The following ARIH1 variants were observed in gnomAD, a reference collection of about 807,000 sequenced individuals.
ARIH1 encodes the protein E3 ubiquitin-protein ligase ARIH1.
A neutral mutation model predicts 85.0 loss-of-function variants in ARIH1; 8 were observed. That is an observed-to-expected ratio of 0.09 (90% CI 0.06 to 0.17). The LOEUF (loss-of-function observed/expected upper bound fraction) is 0.17, where lower values mean the gene tolerates loss of function less well. Among genes scored for constraint, ARIH1 ranks in the 10% least tolerant of loss-of-function variants. ARIH1 has a pLI of 1.00. For synonymous variants in ARIH1, 238 were observed against 253.6 expected (o/e 0.94, Z 0.59); for missense variants, 311 against 718.1 (o/e 0.43, Z 6.48).
Position 72,562,810 on chromosome 15 carries a change from TAA to T in ARIH1, c.805-582_805-581del, listed in dbSNP as rs1281968970. On this transcript the variant is annotated intron_variant, in intron 6 of 13. Coordinates refer to ENST00000379887, the MANE Select transcript of ARIH1 (RefSeq NM_005744.5). ...AATGGTCACATACATGATATTTAATTAAAGTTATTCAGTGGGATTTTGAAGAT... is the reference window on the plus strand; with the variant it reads ...AATGGTCACATACATGATATTTAATTAGTTATTCAGTGGGATTTTGAAGAT... Among the ~76,000 whole-genome samples, 8 of 152,128 alleles carry T rather than the reference TAA, an allele frequency of 5.3e-5. No homozygotes were observed. In the East Asian group the frequency reaches 1.5e-3, roughly 29 times the overall value.
At chr15:72,567,275 G>T in intron 9 of ARIH1, 98 bp downstream of exon 9, 121 of 822,068 alleles carry the variant, frequency 1.5e-4, no homozygotes, top group East Asian at 6.0e-4. Context: ...TACAGGCTTT[G>T]TTTCATCTTT....
chr15:72,545,886 T>C (rs1009892682), intron 3 of ARIH1, among the ~76,000 whole-genome samples: 1 of 147,260 alleles, frequency 6.8e-6, no homozygotes, highest in Non-Finnish European at 1.5e-5. Flanking sequence ...TTTACTTGAG[T>C]GTTTACTAAG....
At chr15:72,544,740 C>T (rs1306848280) in intron 2 of ARIH1, 80 bp from the exon 3 acceptor site, 1 of 1,271,666 alleles carries the variant, frequency 7.9e-7, no homozygotes. Context: ...TTGCTTTTCC[C>T]TATAGAAAGT....
chr15:72,533,605 A>G (rs1295000325), intron 2 of ARIH1, among the ~76,000 whole-genome samples: 1 of 152,208 alleles, frequency 6.6e-6, no homozygotes, highest in African/African-American at 2.4e-5. Context: ...CAATAGAAAG[A>G]AATACGTGCA....
chr15:72,565,446 C>G (rs151157435), intron 7 of ARIH1, among the ~76,000 whole-genome samples: 4 of 152,046 alleles, frequency 2.6e-5, no homozygotes, highest in Non-Finnish European at 5.9e-5. Flanking sequence ...TATTGGTATT[C>G]CATACCTTTC....
intron 1 of ARIH1, among the ~76,000 whole-genome samples, chr15:72,478,048 T>G (rs1028015608): frequency 3.3e-5 from 5 of 152,146 alleles, no homozygotes; most frequent in Non-Finnish European, 7.4e-5. Context: ...TCAAGTGATC[T>G]GCCCTTCTCG....
chr15:72,552,501 G>T (rs962571687), intron 3 of ARIH1, among the ~76,000 whole-genome samples: 2 of 152,118 alleles, frequency 1.3e-5, no homozygotes, highest in African/African-American at 4.8e-5. Context: ...TGTTGGCCTG[G>T]CTGGTCTCAA....
chr15:72,546,934 A>AGG (rs200691808), intron 3 of ARIH1, among the ~76,000 whole-genome samples: 5 of 27,064 alleles, frequency 1.8e-4, no homozygotes, highest in African/African-American at 5.5e-4. Context: ...TTTTTTTTGG[A>AGG]GGGGGGGGGG....
At position 72,584,763 on chromosome 15, in the gene ARIH1, AAG is replaced by A. The variant is rs1364634470; in HGVS notation, c.*1474_*1475del. 4 of 151,996 alleles carry A rather than the reference AAG, an allele frequency of 2.6e-5. No homozygotes were observed. The highest frequency in any genetic ancestry group is 5.9e-5 in the Non-Finnish European group (4 of 67,998). 9.4% of individuals were successfully genotyped at this position (151,996 alleles called of 1,614,324 possible). ...TGTCCATTTTTATGAAATTCCTACT[AAG>A]AGCTATGTTAAAAGTAAAGGATGGT... is the stretch of plus-strand genomic sequence containing the variant. On this transcript the variant is annotated 3_prime_UTR_variant, in exon 14 of 14. Transcript: ENST00000379887.
intron 1 of ARIH1, among the ~76,000 whole-genome samples, chr15:72,485,219 C>T (rs1349331989): frequency 1.3e-5 from 2 of 152,184 alleles, no homozygotes; most frequent in Admixed American, 6.5e-5. Flanking sequence ...TGCAAAACAT[C>T]TTGCACAGTA....
Position 72,567,187 on chromosome 15 carries a change from T to C in ARIH1, c.1026+10T>C, listed in dbSNP as rs749438383. 8 of 1,602,656 alleles carry C rather than the reference T, an allele frequency of 5.0e-6. No homozygotes were observed. The South Asian group carries it at 6.7e-5, about 13-fold the overall frequency. ...TGCAGCCAACACAAAGGTTGGTGTT[T>C]TCCTTCAGTAACTCTTGGTAATAAA... On this transcript the variant is annotated intron_variant, in intron 9 of 13. Transcript: ENST00000379887.
chr15:72,539,175 T>C (rs2064095847), intron 2 of ARIH1, among the ~76,000 whole-genome samples: 1 of 152,196 alleles, frequency 6.6e-6, no homozygotes, highest in African/African-American at 2.4e-5. Context: ...TCAGTTCCTT[T>C]TTATTTTGGT....
chr15:72,589,010 C>G lies in ARIH1; in HGVS notation c.*5718C>G, dbSNP rs1240247583. The G allele has an allele frequency of 2.6e-5, 4 of 152,058 alleles. No homozygotes were observed. The highest frequency in any genetic ancestry group is 9.7e-5 in the African/African-American group (4 of 41,394). 9.4% of individuals were successfully genotyped at this position (152,058 alleles called of 1,614,324 possible). A position where few individuals can be genotyped will look rare whatever the true frequency, so the allele number is the denominator to read the frequency against. ...TTTTGATAATCTTGTATTTTTATTT[C>G]AAGTGTGGTATAGTAGTAAGAATAT... On this transcript the variant is annotated 3_prime_UTR_variant, in exon 14 of 14. Transcript: ENST00000379887.
At chr15:72,547,764 C>T (rs2064136130) in intron 3 of ARIH1, among the ~76,000 whole-genome samples, 1 of 152,166 alleles carries the variant, frequency 6.6e-6, no homozygotes, top group Admixed American at 6.5e-5. Flanking sequence ...TGAGGTAATA[C>T]TAAGACCCAG....
rs73446604 is a variant in ARIH1 at position 72,570,077 on chromosome 15, A to G, written c.1027-100A>G. The stretch of plus-strand genomic sequence containing the variant: ...TATATGTATTAACCACAATAAATAA[A>G]ATGTTTAAAAACAAACCAAATCTAG... On this transcript the variant is annotated intron_variant, in intron 9 of 13. Transcript: ENST00000379887. 9.4e-3 allele frequency: 12,807 copies of G among 1,358,344 alleles called. 689 individuals carry two copies. The African/African-American group carries it at 0.13, about 14-fold the overall frequency. The allele number at this position is 1,358,344 out of a possible 1,614,324, so 84.1% of individuals were successfully genotyped here.
Position 72,495,279 on chromosome 15 carries a change from C to G in ARIH1, c.375+20265C>G, listed in dbSNP as rs79992915. On this transcript the variant is annotated intron_variant, in intron 1 of 13. Transcript: ENST00000379887. ...TTTCTTTTTAGGGTGATGAAATGTT[C>G]TAAAATTAATGGTTGACACAACTGT... is the stretch of plus-strand genomic sequence containing the variant. Among the ~76,000 whole-genome samples, 30 of 152,156 alleles carry G rather than the reference C, an allele frequency of 2.0e-4. No individual in the cohort carries two copies. In the East Asian group the frequency reaches 3.9e-3, roughly 20 times the overall value.
chr15:72,484,788 T>TACAC (rs34197826), intron 1 of ARIH1, among the ~76,000 whole-genome samples: 24 of 150,132 alleles, frequency 1.6e-4, no homozygotes, highest in East Asian at 1.6e-3. Context: ...TACATATATA[T>TACAC]ACACACACAC....
At chr15:72,541,105 A>G (rs757078255) in intron 2 of ARIH1, among the ~76,000 whole-genome samples, 3 of 152,228 alleles carry the variant, frequency 2.0e-5, no homozygotes, top group Non-Finnish European at 4.4e-5. Flanking sequence ...TTGGTGATCA[A>G]ACAAAGAAAC....
chr15:72,587,328 A>G lies in ARIH1; in HGVS notation c.*4036A>G, dbSNP rs2064321642. On this transcript the variant is annotated 3_prime_UTR_variant, in exon 14 of 14. Coordinates refer to ENST00000379887, the MANE Select transcript of ARIH1 (RefSeq NM_005744.5). ...CTTAACTATATTGTACTTTTAAACC[A>G]CATTAAAGACTATTATAAATGCCTA... is the stretch of plus-strand genomic sequence containing the variant. 2.0e-6 allele frequency: 1 copy of G among 496,564 alleles called. No homozygotes were observed. Among genetic ancestry groups the G allele is most frequent in the Non-Finnish European group, 4.2e-6 (1 of 238,838 alleles). 30.8% of individuals were successfully genotyped at this position (496,564 alleles called of 1,614,324 possible).
Sources: allele counts gnomAD v4.1 joint callset (sites outside exome capture counted in the v4.1 genomes callset), GRCh38; gene constraint gnomAD v4.1.1; transcripts MANE v1.5; gene names NCBI Gene and HGNC (gene_info 2026-07-23, HGNC 2026-07-21).